ACADVL: variants seen among roughly 807,000 people sequenced by gnomAD.
The protein encoded by ACADVL is acyl-CoA dehydrogenase very long chain.
Under a neutral mutation model 80.4 loss-of-function variants are expected in ACADVL, and 73 were observed. That is an observed-to-expected ratio of 0.91 (90% confidence interval 0.75 to 1.10). The LOEUF (loss-of-function observed/expected upper bound fraction) is 1.10. Among genes scored for constraint, ACADVL ranks in the 50% least tolerant of loss-of-function variants. The pLI, the probability that ACADVL is intolerant of heterozygous loss-of-function variation, is 0.00. For synonymous variants in ACADVL, 392 were observed against 326.5 expected, an observed-to-expected ratio of 1.20 and a Z score of -2.16; for missense variants, 878 against 858.9, an observed-to-expected ratio of 1.02 and a Z score of -0.28.
rs886043235 is a variant in ACADVL at position 7,220,810 on chromosome 17, C to A, written c.322C>A (p.Pro108Thr). 4 of 1,614,100 alleles carry A rather than the reference C, an allele frequency of 2.5e-6. No homozygotes were observed. Among genetic ancestry groups the A allele is most frequent in the Non-Finnish European group, 3.4e-6 (4 of 1,180,032 alleles). ...ACAGTTTCTTAAAGAGCTGGTGGAGCCTGTGTCCCGTTTCTTCGAGGTAAG... is the reference window on the plus strand; with the variant it reads ...ACAGTTTCTTAAAGAGCTGGTGGAGACTGTGTCCCGTTTCTTCGAGGTAAG... ...QTQFLKELVE[P>T]VSRFFEEVND... The change falls in exon 5 of 20, where the codon CCT becomes ACT. Residue 108 changes from proline (P) to threonine (T), a missense_variant. Pro to Thr is a conservative substitution (Grantham distance 38, BLOSUM62 -1). Transcript: ENST00000356839.
chr17:7,218,138 C>T, upstream of ACADVL: 2 of 1,112,864 alleles, frequency 1.8e-6, no homozygotes, highest in Middle Eastern at 2.0e-4. Flanking sequence ...AGGCTTTTGT[C>T]AGCAGGGCCC....
intron 6 of ACADVL, 39 bp downstream of exon 6, chr17:7,221,097 C>T: frequency 6.2e-7 from 1 of 1,611,870 alleles, no homozygotes; most frequent in South Asian, 1.1e-5. Context: ...TATGCCATAC[C>T]CCAGCTTGGC....
At chr17:7,218,230 C>T (rs1377627972), upstream of ACADVL, 1 of 1,606,758 alleles carries the variant, frequency 6.2e-7, no homozygotes, top group Admixed American at 1.7e-5. Context: ...CGCTCGCCCC[C>T]ACCTCCTTAC....
upstream of ACADVL, chr17:7,218,114 TG>T: frequency 1.2e-6 from 1 of 849,078 alleles, no homozygotes; most frequent in Non-Finnish European, 1.8e-6. Context: ...CCCAAGTCCC[TG>T]GGCCACTGAC....
In ACADVL at chr17:7,224,041, G is replaced by A. The variant is rs398123083; in HGVS notation, c.1406G>A (p.Arg469Gln). Reference sequence around the variant, plus strand: ...TTTGAGGGGACAAATGACATTCTTCGGCTGTTTGTGGCTCTGCAGGGCTGT... The same window carrying A: ...TTTGAGGGGACAAATGACATTCTTCAGCTGTTTGTGGCTCTGCAGGGCTGT... ...RIFEGTNDIL[R>Q]LFVALQGCMD... Residue 469 changes from arginine to glutamine, a missense_variant, in exon 14 of 20, where the codon CGG becomes CAG. By Grantham distance (43) the Arg-to-Gln change is conservative (BLOSUM62 1). Transcript: ENST00000356839. 1.1e-5 allele frequency: 18 copies of A among 1,614,088 alleles called. No homozygotes were observed. The highest frequency in any genetic ancestry group is 1.4e-5 in the Non-Finnish European group (16 of 1,180,026).
Position 7,222,821 on chromosome 17 carries a change from G to A in ACADVL, c.1033G>A (p.Ala345Thr), listed in dbSNP as rs914529793. Residue 345 changes from alanine to threonine, a missense_variant, in exon 10 of 20, where the codon GCT becomes ACT. Physicochemically the swap from Ala to Thr is moderately conservative, Grantham distance 58. Transcript: ENST00000356839. ...CCTCAACAATGGAAGGTTTGGCATG[G>A]CTGCGGCCCTGGCAGGTACCATGAG... ...HILNNGRFGM[A>T]AALAGTMRGI... The A allele has an allele frequency of 6.2e-7, 1 of 1,613,512 alleles. No individual in the cohort carries two copies. Among genetic ancestry groups the A allele is most frequent in the East Asian group, 2.2e-5 (1 of 44,882 alleles).
rs756116846 is a variant in ACADVL, at chr17:7,225,149, C to G, written c.*52C>G. The G allele has an allele frequency of 2.5e-6, 4 of 1,612,552 alleles. No individual in the cohort carries two copies. The Admixed American group carries it at 6.7e-5, about 27-fold the overall frequency. ...TTATGTGCCTTCCCTCAAGCCAAAGCCGAAGCCCCTTTCCTTAAGGCCCTG... is the reference window on the plus strand; with the variant it reads ...TTATGTGCCTTCCCTCAAGCCAAAGGCGAAGCCCCTTTCCTTAAGGCCCTG... On this transcript the variant is annotated 3_prime_UTR_variant, in exon 20 of 20. Coordinates refer to ENST00000356839, the MANE Select transcript of ACADVL (RefSeq NM_000018.4).
In ACADVL at chr17:7,220,450, G is replaced by C. The variant is rs1015495051; in HGVS notation, c.139-14G>C. 6.2e-7 allele frequency: 1 copy of C among 1,614,158 alleles called. No individual in the cohort carries two copies. ...AGTCCCTTCCCTGAACTTGCTAACCGTCTCTTTTCCCAGCTGGCTCTGGAC... is the reference window on the plus strand; with the variant it reads ...AGTCCCTTCCCTGAACTTGCTAACCCTCTCTTTTCCCAGCTGGCTCTGGAC... On this transcript the variant is annotated splice_polypyrimidine_tract_variant and intron_variant, in intron 2 of 19. Coordinates refer to ENST00000356839, the MANE Select transcript of ACADVL (RefSeq NM_000018.4).
intron 2 of ACADVL, 82 bp from the exon 3 acceptor site, chr17:7,220,382 C>T (rs901293987): frequency 5.3e-5 from 84 of 1,598,538 alleles, no homozygotes; most frequent in Non-Finnish European, 6.3e-5. Context: ...TTCGCGCCGC[C>T]TCCCCGCGCG....
At position 7,220,834 on chromosome 17, in the gene ACADVL, A is replaced by C. The variant is rs2071173105; in HGVS notation, c.342+4A>C. On this transcript the variant is annotated splice_donor_region_variant and intron_variant, in intron 5 of 19. Coordinates refer to ENST00000356839, the MANE Select transcript of ACADVL (RefSeq NM_000018.4). ...GCCTGTGTCCCGTTTCTTCGAGGTAAGGAATGACTCGGGGCTTGGTCCCTG... is the reference window on the plus strand; with the variant it reads ...GCCTGTGTCCCGTTTCTTCGAGGTACGGAATGACTCGGGGCTTGGTCCCTG... 1 of 1,614,072 alleles carries C rather than the reference A, an allele frequency of 6.2e-7. No individual in the cohort carries two copies. Among genetic ancestry groups the C allele is most frequent in the Admixed American group, 1.7e-5 (1 of 60,028 alleles).
At chr17:7,219,785 T>A (rs1042379199), upstream of ACADVL, 2 of 1,501,554 alleles carry the variant, frequency 1.3e-6, no homozygotes, top group Non-Finnish European at 1.8e-6. Flanking sequence ...CGAGGGACGC[T>A]TGGAGATCCC....
In ACADVL at chr17:7,223,156, CCA is replaced by C. The variant is rs1567566228; in HGVS notation, c.1102_1103del (p.Gln368ValfsTer26). 6.2e-7 allele frequency: 1 copy of C among 1,613,998 alleles called. No homozygotes were observed. Among genetic ancestry groups the C allele is most frequent in the Admixed American group, 1.7e-5 (1 of 60,030 alleles). On this transcript the variant is annotated frameshift_variant, in exon 11 of 20. Coordinates refer to ENST00000356839, the MANE Select transcript of ACADVL (RefSeq NM_000018.4). LOFTEE classifies it high-confidence loss of function. Reference protein sequence around the residue: ...KAVDHATNRTQFGEKIHNFGL... With the variant: ...KAVDHATNRTXFGEKIHNFGL... The stretch of plus-strand genomic sequence containing the variant: ...AGGTAGATCATGCCACTAATCGTAC[CCA>C]GTTTGGGGAGAAAATTCACAACTTT...
chr17:7,221,472 A>T (rs76640635), intron 6 of ACADVL, 66 bp from the exon 7 acceptor site: 17 of 1,611,242 alleles, frequency 1.1e-5, no homozygotes, highest in Admixed American at 8.3e-5. Context: ...TGTTGCCCAC[A>T]CTCTCCTGTT....
upstream of ACADVL, chr17:7,217,742 G>C (rs1176810449): frequency 6.5e-7 from 1 of 1,535,184 alleles, no homozygotes; most frequent in African/African-American, 1.4e-5. Context: ...AAAGGAGATA[G>C]AAGCAGAAGC....
intron 9 of ACADVL, 166 bp from the exon 10 acceptor site, chr17:7,222,501 G>A (rs538991202): frequency 1.8e-6 from 2 of 1,141,090 alleles, no homozygotes; most frequent in South Asian, 1.4e-5. Flanking sequence ...ATAGGACATA[G>A]CCAGGCCTCC....
Position 7,221,022 on chromosome 17 carries a change from C to T in ACADVL, c.441C>T (p.Pro147=). 2 of 1,613,896 alleles carry T rather than the reference C, an allele frequency of 1.2e-6. No individual in the cohort carries two copies. Among genetic ancestry groups the T allele is most frequent in the Non-Finnish European group, 1.7e-6 (2 of 1,179,996 alleles). ...TGGGGGCCTTTGGTCTGCAAGTGCC[C>T]AGTGAGCTGGGTGGTGTGGGCCTTT... ...KELGAFGLQV[P]SELGGVGLCN... The change falls in exon 6 of 20, where the codon CCC becomes CCT. Residue 147 remains proline, a synonymous_variant. Transcript: ENST00000356839.
At chr17:7,218,593 C>G, upstream of ACADVL, 1 of 1,566,704 alleles carries the variant, frequency 6.4e-7, no homozygotes. Context: ...GTGGGGGTGC[C>G]CACCGCAGCA....
chr17:7,222,387 G>A, intron 9 of ACADVL, 85 bp downstream of exon 9: 1 of 1,563,100 alleles, frequency 6.4e-7, no homozygotes, highest in African/African-American at 1.4e-5. Context: ...TCACCCTGGG[G>A]ACGTGTGCAA....
At chr17:7,222,998 CT>C in intron 10 of ACADVL, 133 bp downstream of exon 10, 1 of 1,440,148 alleles carries the variant, frequency 6.9e-7, no homozygotes, top group Non-Finnish European at 9.7e-7. Flanking sequence ...GACTTGCTAG[CT>C]TAGGTCTCCA....
Sources: gnomAD v4.1 joint callset for allele counts on GRCh38, gnomAD v4.1.1 for gene constraint, MANE v1.5 for transcripts, NCBI Gene and HGNC (gene_info 2026-07-23, HGNC 2026-07-21) for gene names.